Variants in GRAMD1B observed in about 807,000 individuals in gnomAD.
The protein encoded by GRAMD1B is GRAM domain containing 1B, also known as protein Aster-B.
A neutral mutation model predicts 99.7 loss-of-function variants in GRAMD1B; 37 were observed. The observed-to-expected ratio is 0.37, with a 90% CI of 0.29 to 0.49. The LOEUF (loss-of-function observed/expected upper bound fraction) is 0.49, where lower values mean the gene tolerates loss of function less well. Ranked by LOEUF, GRAMD1B falls within the 20% of genes least tolerant of loss-of-function variation. The pLI, the probability that GRAMD1B is intolerant of heterozygous loss-of-function variation, is 0.98. For missense variants in GRAMD1B, 888 were observed against 1,009.2 expected (o/e 0.88, Z 1.63); for synonymous variants, 427 against 387.6 (o/e 1.10, Z -1.19).
At chr11:123,562,666 G>A (rs1321757545) in intron 2 of GRAMD1B, among the ~76,000 whole-genome samples, 1 of 152,082 alleles carries the variant, frequency 6.6e-6, no homozygotes, top group Non-Finnish European at 1.5e-5. Flanking sequence ...TTTGCATCTG[G>A]CCTAGAGATC....
chr11:123,493,207 A>G (rs148594504), intron 2 of GRAMD1B, among the ~76,000 whole-genome samples: 109 of 152,310 alleles, frequency 7.2e-4, no homozygotes, highest in African/African-American at 2.6e-3. Context: ...TGCTTTTGCA[A>G]AAACATTTCA....
chr11:123,450,353 T>C (rs1288682101), intron 1 of GRAMD1B, among the ~76,000 whole-genome samples: 1 of 152,214 alleles, frequency 6.6e-6, no homozygotes, highest in Non-Finnish European at 1.5e-5. Flanking sequence ...TTGGAATATA[T>C]GCATCCTTCC....
At chr11:123,572,004 C>T (rs1176857601) in intron 2 of GRAMD1B, among the ~76,000 whole-genome samples, 4 of 152,182 alleles carry the variant, frequency 2.6e-5, no homozygotes, top group Non-Finnish European at 5.9e-5. Flanking sequence ...GCCTCTAGCT[C>T]TTCCTGACTG....
chr11:123,605,268 T>G (rs1036778918), intron 9 of GRAMD1B, 54 bp from the exon 10 acceptor site: 1 of 1,280,602 alleles, frequency 7.8e-7, no homozygotes, highest in African/African-American at 1.5e-5. Flanking sequence ...CTTAGAATAG[T>G]TGGCCATCTT....
chr11:123,446,750 C>T (rs980022898), intron 1 of GRAMD1B, among the ~76,000 whole-genome samples: 20 of 152,004 alleles, frequency 1.3e-4, no homozygotes, highest in African/African-American at 4.8e-4. Flanking sequence ...GGGAACCTGG[C>T]ACTGTTGCTG....
intron 1 of GRAMD1B, among the ~76,000 whole-genome samples, chr11:123,405,706 G>A (rs1027970380): frequency 1.3e-5 from 2 of 152,138 alleles, no homozygotes; most frequent in African/African-American, 4.8e-5. Flanking sequence ...TTCTCTTTAT[G>A]GGCAGAAGAT....
rs1948835415 is a variant in GRAMD1B, at chr11:123,430,711, C to CGAGGGTGGGGAACAGCCA, written c.-76_-59dup. On this transcript the variant is annotated 5_prime_UTR_variant, in exon 1 of 20. Coordinates refer to ENST00000635736, the MANE Select transcript of GRAMD1B (RefSeq NM_001387025.1). The stretch of plus-strand genomic sequence containing the variant: ...AGGATTGGGGAGTGTGCCGCGGGGC[C>CGAGGGTGGGGAACAGCCA]GAGGGTGGGGAACAGCCAGAGGGAG... 4.9e-5 allele frequency: 29 copies of CGAGGGTGGGGAACAGCCA among 587,056 alleles called. No homozygotes were observed. In the South Asian group the frequency reaches 5.7e-4, roughly 12 times the overall value. The allele number at this position is 587,056 out of a possible 1,614,324, so 36.4% of individuals were successfully genotyped here. A position where few individuals can be genotyped will look rare whatever the true frequency, so the allele number is the denominator to read the frequency against.
chr11:123,500,119 G>A (rs926448353), intron 2 of GRAMD1B, among the ~76,000 whole-genome samples: 2 of 152,134 alleles, frequency 1.3e-5, no homozygotes, highest in African/African-American at 4.8e-5. Flanking sequence ...CTTGAGGTTC[G>A]AGACTAGCCT....
intron 1 of GRAMD1B, among the ~76,000 whole-genome samples, chr11:123,478,518 T>A (rs1278007104): frequency 6.6e-6 from 1 of 152,210 alleles, no homozygotes; most frequent in African/African-American, 2.4e-5. Context: ...AAGGAGGCAG[T>A]TCCTGGTTCC....
Position 123,624,074 on chromosome 11 carries a change from A to G in GRAMD1B, c.*1479A>G, listed in dbSNP as rs1955360111. On this transcript the variant is annotated 3_prime_UTR_variant, in exon 20 of 20. Coordinates refer to ENST00000635736, the MANE Select transcript of GRAMD1B (RefSeq NM_001387025.1). ...ACACTAACTACTGTTTCTTCATGTA[A>G]TGACCAAAAGAGTCCCACCAGCTCC... 1 of 152,198 alleles carries G rather than the reference A, an allele frequency of 6.6e-6. No individual in the cohort carries two copies. The allele number at this position is 152,198 out of a possible 1,614,324, so 9.4% of individuals were successfully genotyped here.
chr11:123,470,984 G>A (rs1950989613), intron 1 of GRAMD1B, among the ~76,000 whole-genome samples: 7 of 152,176 alleles, frequency 4.6e-5, no homozygotes, highest in Admixed American at 4.6e-4. Flanking sequence ...GTGTGACTAA[G>A]GAACTGCATT....
chr11:123,489,483 G>A (rs1041853172), intron 2 of GRAMD1B, among the ~76,000 whole-genome samples: 1 of 152,168 alleles, frequency 6.6e-6, no homozygotes, highest in African/African-American at 2.4e-5. Context: ...TTAAAAGATT[G>A]TCCACTGAAG....
At chr11:123,526,688 T>C (rs1942804056) in intron 2 of GRAMD1B, among the ~76,000 whole-genome samples, 1 of 152,104 alleles carries the variant, frequency 6.6e-6, no homozygotes, top group Admixed American at 6.5e-5. Context: ...TCTTCTAGGA[T>C]GCCTGGTGTC....
chr11:123,441,809 A>C (rs533386068), intron 1 of GRAMD1B, among the ~76,000 whole-genome samples: 21 of 32,218 alleles, frequency 6.5e-4, no homozygotes, highest in African/African-American at 3.7e-3. Flanking sequence ...AGAGAGAGAG[A>C]AAAAAAAGTC....
intron 2 of GRAMD1B, among the ~76,000 whole-genome samples, chr11:123,538,360 C>G (rs1944170512): frequency 6.6e-6 from 1 of 152,120 alleles, no homozygotes; most frequent in Non-Finnish European, 1.5e-5. Context: ...CATGGTGGAA[C>G]AGCCACCTGA....
chr11:123,430,743 A>G lies in GRAMD1B; in HGVS notation c.-50A>G. Reference sequence around the variant, plus strand: ...GGGGAACAGCCAGAGGGAGACGCGAACCAGGCCGCTGGCGGAGGGCTCAGG... The same window carrying G: ...GGGGAACAGCCAGAGGGAGACGCGAGCCAGGCCGCTGGCGGAGGGCTCAGG... On this transcript the variant is annotated 5_prime_UTR_variant, in exon 1 of 20. Transcript: ENST00000635736. 1.6e-6 allele frequency: 1 copy of G among 615,018 alleles called. No individual in the cohort carries two copies. The highest frequency in any genetic ancestry group is 2.9e-6 in the Non-Finnish European group (1 of 346,886). The allele number at this position is 615,018 out of a possible 1,614,324, so 38.1% of individuals were successfully genotyped here.
chr11:123,414,906 C>T (rs1948175076), intron 1 of GRAMD1B, among the ~76,000 whole-genome samples: 2 of 152,076 alleles, frequency 1.3e-5, no homozygotes, highest in African/African-American at 4.8e-5. Context: ...GGTTTCGCCA[C>T]CCCACAACAT....
At chr11:123,599,330 G>A (rs1951666775) in intron 7 of GRAMD1B, 1 of 703,378 alleles carries the variant, frequency 1.4e-6, no homozygotes, top group Non-Finnish European at 2.7e-6. Context: ...CCCGAGTGCA[G>A]TGATCAGAAT....
intron 2 of GRAMD1B, among the ~76,000 whole-genome samples, chr11:123,504,791 C>T (rs1234434770): frequency 1.3e-5 from 2 of 152,206 alleles, no homozygotes; most frequent in Non-Finnish European, 2.9e-5. Context: ...AAGCGATTCT[C>T]ATACCTCAGC....
Sources: allele counts gnomAD v4.1 joint callset (sites outside exome capture counted in the v4.1 genomes callset), GRCh38; gene constraint gnomAD v4.1.1; transcripts MANE v1.5; gene names NCBI Gene and HGNC (gene_info 2026-07-23, HGNC 2026-07-21).